Variants in DCAF8L2 observed in about 807,000 individuals in gnomAD.
The protein encoded by DCAF8L2 is DDB1- and CUL4-associated factor 8-like protein 2.
For synonymous variants in DCAF8L2, 200 were observed against 190.9 expected, an observed-to-expected ratio of 1.05 and a Z score of -0.39; for missense variants, 430 against 490.7, an observed-to-expected ratio of 0.88 and a Z score of 1.17.
chrX:27,575,102 C>T, the DCAF8L2 span, among the ~76,000 whole-genome samples: 6 of 111,422 alleles, frequency 5.4e-5, no homozygotes, highest in Non-Finnish European at 7.5e-5. Flanking sequence ...GATAGTTTTC[C>T]CCTGGAGTTG....
At chrX:27,514,682 A>AAAAAAC in the DCAF8L2 span, among the ~76,000 whole-genome samples, 3 of 61,627 alleles carry the variant, frequency 4.9e-5, no homozygotes, top group Admixed American at 2.4e-4. Flanking sequence ...AAAAAAAAAA[A>AAAAAAC]AAAAAAAAAA....
chrX:27,494,664 G>T, the DCAF8L2 span, among the ~76,000 whole-genome samples: 21 of 111,343 alleles, frequency 1.9e-4, no homozygotes, highest in Non-Finnish European at 3.8e-4. Context: ...TTATGACTTG[G>T]CATTTGTCAT....
chrX:27,611,290 A>G (rs903100812), intron 1 of DCAF8L2, among the ~76,000 whole-genome samples: 1 of 110,579 alleles, frequency 9.0e-6, no homozygotes, highest in African/African-American at 3.3e-5. Context: ...AAAAGAAGAA[A>G]CATTACATCA....
intron 3 of DCAF8L2, among the ~76,000 whole-genome samples, chrX:27,698,015 AT>A (rs1215845869): frequency 1.8e-5 from 2 of 109,584 alleles, no homozygotes; most frequent in Non-Finnish European, 3.8e-5. Context: ...TGAATTTAAA[AT>A]TTTTTTTATT....
chrX:27,506,764 C>T, the DCAF8L2 span, among the ~76,000 whole-genome samples: 2 of 111,470 alleles, frequency 1.8e-5, no homozygotes, highest in Non-Finnish European at 3.8e-5. Context: ...TCTTGGCTCA[C>T]TGCAACCTCT....
the DCAF8L2 span, among the ~76,000 whole-genome samples, chrX:27,529,299 T>A: frequency 2.7e-5 from 3 of 111,242 alleles, no homozygotes; most frequent in Non-Finnish European, 5.7e-5. Context: ...TAAAATAGCC[T>A]ACATTCAAGA....
chrX:27,568,111 GT>G, the DCAF8L2 span, among the ~76,000 whole-genome samples: 1 of 111,284 alleles, frequency 9.0e-6, no homozygotes, highest in Non-Finnish European at 1.9e-5. Context: ...CTGCATTTTG[GT>G]TTTTAATCTG....
chrX:27,539,284 G>C, the DCAF8L2 span, among the ~76,000 whole-genome samples: 6 of 111,648 alleles, frequency 5.4e-5, no homozygotes, highest in Non-Finnish European at 9.4e-5. Context: ...TTCTTGGGGG[G>C]AAGAAGAGCT....
chrX:27,569,626 T>C, the DCAF8L2 span, among the ~76,000 whole-genome samples: 1 of 112,154 alleles, frequency 8.9e-6, no homozygotes, highest in Non-Finnish European at 1.9e-5. Flanking sequence ...TTAACTCCAG[T>C]AAGATTATCT....
At chrX:27,592,105 G>T (rs1926118177) in intron 1 of DCAF8L2, among the ~76,000 whole-genome samples, 1 of 112,547 alleles carries the variant, frequency 8.9e-6, no homozygotes, top group African/African-American at 3.2e-5. Flanking sequence ...GAGAGAAGGC[G>T]AGGGCGATGC....
intron 1 of DCAF8L2, among the ~76,000 whole-genome samples, chrX:27,615,876 A>C (rs1195681415): frequency 9.0e-6 from 1 of 111,092 alleles, no homozygotes; most frequent in East Asian, 2.8e-4. Flanking sequence ...ATGGCACTAG[A>C]AACCTTTCTT....
the DCAF8L2 span, among the ~76,000 whole-genome samples, chrX:27,512,814 A>AAAAAAAGG: frequency 9.7e-6 from 1 of 102,863 alleles, no homozygotes; most frequent in Non-Finnish European, 2.0e-5. Flanking sequence ...AAAAAAACAA[A>AAAAAAAGG]GCTGGAGACA....
At chrX:27,542,365 T>A in the DCAF8L2 span, among the ~76,000 whole-genome samples, 10,471 of 110,138 alleles carry the variant, frequency 0.095, 404 homozygotes, top group Non-Finnish European at 0.12. Context: ...CAGCACATTT[T>A]GTTTTTTGAC....
At chrX:27,629,530 C>T (rs1237647914) in intron 1 of DCAF8L2, among the ~76,000 whole-genome samples, 1 of 105,952 alleles carries the variant, frequency 9.4e-6, no homozygotes, top group African/African-American at 3.5e-5. Context: ...TTCTTTTTCA[C>T]ATCAATATCC....
At chrX:27,589,560 C>T (rs144827768), upstream of DCAF8L2, among the ~76,000 whole-genome samples, 1,158 of 111,674 alleles carry the variant, frequency 0.01, 10 homozygotes, top group African/African-American at 0.036. Flanking sequence ...TGTGGGGAAA[C>T]ATGAAAGATC....
At chrX:27,477,916 G>A in the DCAF8L2 span, among the ~76,000 whole-genome samples, 1 of 111,465 alleles carries the variant, frequency 9.0e-6, no homozygotes, top group Non-Finnish European at 1.9e-5. Context: ...GAATGAAAAT[G>A]CCTAGAATAT....
intron 2 of DCAF8L2, among the ~76,000 whole-genome samples, chrX:27,644,902 G>A (rs1041612898): frequency 2.7e-5 from 3 of 111,608 alleles, no homozygotes; most frequent in Non-Finnish European, 5.6e-5. Context: ...TTACATGCAC[G>A]TGCCACCACG....
the DCAF8L2 span, among the ~76,000 whole-genome samples, chrX:27,505,139 A>T: frequency 8.9e-6 from 1 of 111,758 alleles, no homozygotes; most frequent in Admixed American, 9.6e-5. Flanking sequence ...TTATTTAAGC[A>T]GGCTAAGTAC....
chrX:27,596,794 G>A (rs1926378610), intron 1 of DCAF8L2, among the ~76,000 whole-genome samples: 2 of 45,644 alleles, frequency 4.4e-5, no homozygotes, highest in African/African-American at 1.6e-4. Flanking sequence ...TATTATTATG[G>A]ACATTATTTA....
Sources: gnomAD v4.1 joint callset for allele counts (sites outside exome capture counted in the v4.1 genomes callset) on GRCh38, gnomAD v4.1.1 for gene constraint, MANE v1.5 for transcripts, NCBI Gene and HGNC (gene_info 2026-07-23, HGNC 2026-07-21) for gene names.